Variants in GNG2 observed in about 807,000 individuals in gnomAD.
GNG2 encodes the protein G protein subunit gamma 2, also known as guanine nucleotide-binding protein G(I)/G(S)/G(O) subunit gamma-2.
Under a neutral mutation model 5.5 loss-of-function variants are expected in GNG2, and 5 were observed. That is an observed-to-expected ratio of 0.91 (90% CI 0.48 to 1.92). GNG2 has a LOEUF of 1.92. Among genes scored for constraint, GNG2 ranks in the 30% most tolerant of loss-of-function variants. The pLI, the probability that GNG2 is intolerant of heterozygous loss-of-function variation, is 0.01. For missense variants in GNG2, 55 were observed against 88.4 expected (o/e 0.62, Z 1.52); for synonymous variants, 28 against 32.0 (o/e 0.88, Z 0.42).
rs1356535867 is a variant in GNG2 at position 51,966,782 on chromosome 14, A to G, written c.*95A>G. ...CACCTTTCTAGTCCACGGCATTTGA[A>G]GAGAGCGAGGAGAACCATTCTGGAA... On this transcript the variant is annotated 3_prime_UTR_variant, in exon 4 of 4. Transcript: ENST00000556766. 1 of 1,092,070 alleles carries G rather than the reference A, an allele frequency of 9.2e-7. No homozygotes were observed. The highest frequency in any genetic ancestry group is 1.4e-6 in the Non-Finnish European group (1 of 716,154). 67.6% of individuals were successfully genotyped at this position (1,092,070 alleles called of 1,614,324 possible).
At chr14:51,853,276 C>A (rs994137170) in intron 2 of GNG2, among the ~76,000 whole-genome samples, 1 of 152,186 alleles carries the variant, frequency 6.6e-6, no homozygotes, top group South Asian at 2.1e-4. Flanking sequence ...TGAAGAGATG[C>A]GAGACCTAGC....
chr14:51,963,144 A>C (rs1889709292), intron 3 of GNG2, among the ~76,000 whole-genome samples: 1 of 152,216 alleles, frequency 6.6e-6, no homozygotes, highest in East Asian at 1.9e-4. Flanking sequence ...GGATTCTGAC[A>C]CTGTTGGAGC....
chr14:51,957,527 G>T (rs1889342817), intron 3 of GNG2, among the ~76,000 whole-genome samples: 1 of 152,124 alleles, frequency 6.6e-6, no homozygotes, highest in African/African-American at 2.4e-5. Flanking sequence ...AGAATAAGTT[G>T]TCAAAAGATG....
At chr14:51,827,925 A>C (rs1265587677) in intron 2 of GNG2, 3 of 595,410 alleles carry the variant, frequency 5.0e-6, no homozygotes, top group Admixed American at 6.2e-5. Context: ...TGAGAGTGGG[A>C]GGACTCAGGA....
chr14:51,881,386 G>A lies in GNG2; in HGVS notation c.-30+3729G>A, dbSNP rs554873341. Among the ~76,000 whole-genome samples, 205 of 152,256 alleles carry A rather than the reference G, an allele frequency of 1.3e-3. 1 individual carries two copies. The highest frequency in any genetic ancestry group is 4.7e-3 in the African/African-American group (194 of 41,518). ...TCTCATTTGGTTCTAAGAACATGGC[G>A]CTTCCTGACTCCCAGCGGTGGAGCA... On this transcript the variant is annotated intron_variant, in intron 2 of 3. Coordinates refer to ENST00000556766, the MANE Select transcript of GNG2 (RefSeq NM_053064.5).
chr14:51,883,933 G>GA (rs1249224980), intron 2 of GNG2, among the ~76,000 whole-genome samples: 1 of 151,814 alleles, frequency 6.6e-6, no homozygotes, highest in African/African-American at 2.4e-5. Context: ...AATTCATGCA[G>GA]AAAAAAACAA....
At chr14:51,938,118 T>G (rs1296968853) in intron 2 of GNG2, among the ~76,000 whole-genome samples, 7 of 152,222 alleles carry the variant, frequency 4.6e-5, no homozygotes, top group African/African-American at 1.7e-4. Context: ...GTTAATGAAT[T>G]TTAAACCGCA....
At chr14:51,942,005 T>A (rs1275542938) in intron 2 of GNG2, among the ~76,000 whole-genome samples, 1 of 152,238 alleles carries the variant, frequency 6.6e-6, no homozygotes, top group Non-Finnish European at 1.5e-5. Context: ...TTTTGCTATT[T>A]GTATCTTTTT....
At chr14:51,835,033 T>A (rs781442428) in intron 2 of GNG2, among the ~76,000 whole-genome samples, 1 of 152,060 alleles carries the variant, frequency 6.6e-6, no homozygotes, top group Non-Finnish European at 1.5e-5. Flanking sequence ...TAATAGAAGG[T>A]GAAGGATGTA....
chr14:51,962,259 T>TA (rs1889659705), intron 3 of GNG2, among the ~76,000 whole-genome samples: 1 of 152,152 alleles, frequency 6.6e-6, no homozygotes, highest in African/African-American at 2.4e-5. Flanking sequence ...TATACATAGG[T>TA]ACTCCTTTGT....
intron 2 of GNG2, among the ~76,000 whole-genome samples, chr14:51,834,969 A>T (rs1173034693): frequency 2.6e-5 from 4 of 152,218 alleles, no homozygotes; most frequent in African/African-American, 7.2e-5. Context: ...GTGCTAAAAG[A>T]GCCGAGGGCT....
intron 2 of GNG2, among the ~76,000 whole-genome samples, chr14:51,900,121 C>T (rs1029820921): frequency 6.6e-6 from 1 of 152,148 alleles, no homozygotes; most frequent in Admixed American, 6.5e-5. Context: ...ATTTTACATT[C>T]CCCCCAACAG....
intron 3 of GNG2, among the ~76,000 whole-genome samples, chr14:51,960,756 A>C (rs1889565515): frequency 6.6e-6 from 1 of 152,176 alleles, no homozygotes; most frequent in African/African-American, 2.4e-5. Flanking sequence ...ACCTGGGGCT[A>C]TGTGGCATCA....
intron 3 of GNG2, among the ~76,000 whole-genome samples, chr14:51,961,457 G>A (rs1393093426): frequency 6.6e-6 from 1 of 152,158 alleles, no homozygotes; most frequent in Non-Finnish European, 1.5e-5. Context: ...CTGATTATAC[G>A]GTAGTAAATA....
rs1243994658 is a variant in GNG2, at chr14:51,954,099, T to A, written c.87+3334T>A. Among the ~76,000 whole-genome samples the A allele has an allele frequency of 2.0e-5, 3 of 152,166 alleles. No homozygotes were observed. In the East Asian group the frequency reaches 5.8e-4, roughly 29 times the overall value. ...ATTATGCTGCATAGAGTAGCCCTACTCTATGAATAACATAGTTACATGAAT... is the reference window on the plus strand; with the variant it reads ...ATTATGCTGCATAGAGTAGCCCTACACTATGAATAACATAGTTACATGAAT... On this transcript the variant is annotated intron_variant, in intron 3 of 3. Coordinates refer to ENST00000556766, the MANE Select transcript of GNG2 (RefSeq NM_053064.5).
chr14:51,935,440 C>G (rs1047367685), intron 2 of GNG2, among the ~76,000 whole-genome samples: 1 of 152,190 alleles, frequency 6.6e-6, no homozygotes, highest in East Asian at 1.9e-4. Flanking sequence ...CACACTCCCA[C>G]CCATCCATTC....
intron 2 of GNG2, among the ~76,000 whole-genome samples, chr14:51,894,807 T>C (rs1330632343): frequency 6.6e-6 from 1 of 152,140 alleles, no homozygotes; most frequent in Non-Finnish European, 1.5e-5. Flanking sequence ...TCTGTACTTA[T>C]TTCTAAAAAC....
intron 2 of GNG2, among the ~76,000 whole-genome samples, chr14:51,895,872 G>A (rs1225069259): frequency 2.0e-5 from 3 of 152,192 alleles, no homozygotes; most frequent in Non-Finnish European, 4.4e-5. Context: ...TTAAAAATGG[G>A]AGTTGTCCTG....
intron 2 of GNG2, among the ~76,000 whole-genome samples, chr14:51,894,129 A>G (rs1885035360): frequency 6.6e-6 from 1 of 152,146 alleles, no homozygotes; most frequent in South Asian, 2.1e-4. Context: ...GGGGAAAACA[A>G]CCATTGAGAT....
Sources: gnomAD v4.1 joint callset for allele counts (sites outside exome capture counted in the v4.1 genomes callset) on GRCh38, gnomAD v4.1.1 for gene constraint, MANE v1.5 for transcripts, NCBI Gene and HGNC (gene_info 2026-07-23, HGNC 2026-07-21) for gene names.